ME3: variants seen among roughly 807,000 people sequenced by gnomAD.
ME3 encodes NADP-dependent malic enzyme, mitochondrial.
Under a neutral mutation model 68.9 loss-of-function variants are expected in ME3, and 48 were observed. The ratio of observed to expected loss-of-function variants is 0.70; its 90% confidence interval spans 0.55 to 0.89. The LOEUF is 0.89. ME3 is among the 40% of genes least tolerant of loss of function. The probability of loss-of-function intolerance (pLI) is 0.00; values close to 1 mark genes in which losing one functional copy is unlikely to be tolerated. For synonymous variants in ME3, 320 were observed against 318.8 expected (o/e 1.00, Z -0.04); for missense variants, 675 against 797.4 (o/e 0.85, Z 1.85).
chr11:86,587,940 T>G (rs1035480661), intron 2 of ME3, among the ~76,000 whole-genome samples: 1 of 152,260 alleles, frequency 6.6e-6, no homozygotes, highest in Non-Finnish European at 1.5e-5. Context: ...AGTTAATGTC[T>G]GGATGTATGG....
intron 13 of ME3, among the ~76,000 whole-genome samples, chr11:86,445,799 A>C (rs1322428724): frequency 6.6e-6 from 1 of 152,138 alleles, no homozygotes; most frequent in Non-Finnish European, 1.5e-5. Flanking sequence ...TACATCTCCA[A>C]TACTTCATAT....
At chr11:86,525,030 G>T (rs1056492154) in intron 4 of ME3, among the ~76,000 whole-genome samples, 1 of 152,164 alleles carries the variant, frequency 6.6e-6, no homozygotes, top group Non-Finnish European at 1.5e-5. Context: ...TGTGTCTCTG[G>T]TCAGGGATAA....
Position 86,493,601 on chromosome 11 carries a change from T to G in ME3, c.705+4362A>C, listed in dbSNP as rs1156648882. 2.0e-5 allele frequency among the ~76,000 whole-genome samples: 3 copies of G among 152,078 alleles called. No homozygotes were observed. The South Asian group carries it at 6.2e-4, about 32-fold the overall frequency. On this transcript the variant is annotated intron_variant, in intron 6 of 14. Coordinates refer to ENST00000543262, the Ensembl canonical transcript of ME3. The stretch of plus-strand genomic sequence containing the variant: ...CTGCATGTGGATGAAACAAAATAAA[T>G]CCAATCCACACGTAGCCATGATGGA...
At chr11:86,501,613 A>G (rs558253867) in intron 5 of ME3, among the ~76,000 whole-genome samples, 1 of 152,140 alleles carries the variant, frequency 6.6e-6, no homozygotes, top group Non-Finnish European at 1.5e-5. Context: ...AGTCTTCCCA[A>G]TTCCCACAAG....
chr11:86,442,181 A>G (rs534701652), intron 14 of ME3, among the ~76,000 whole-genome samples: 2 of 152,320 alleles, frequency 1.3e-5, no homozygotes, highest in Admixed American at 6.5e-5. Flanking sequence ...TTATTGCACC[A>G]TGTTCTGATT....
At chr11:86,572,531 C>A (rs1957859432) in intron 2 of ME3, among the ~76,000 whole-genome samples, 1 of 152,102 alleles carries the variant, frequency 6.6e-6, no homozygotes, top group African/African-American at 2.4e-5. Flanking sequence ...GAACATGCGG[C>A]GTTTGGCTTG....
exon 6 of ME3, chr11:86,497,969 G>A (rs757848907): frequency 3.1e-6 from 5 of 1,600,514 alleles, no homozygotes; most frequent in Non-Finnish European, 3.4e-6. Flanking sequence ...TTACCTCATT[G>A]TTGGTGCCGA....
rs113831850 is a variant in ME3 at position 86,671,578 on chromosome 11, C to A, written c.183+184G>T. 173 of 649,354 alleles carry A rather than the reference C, an allele frequency of 2.7e-4. No homozygotes were observed. The Middle Eastern group carries it at 2.8e-3, about 10-fold the overall frequency. The allele number at this position is 649,354 out of a possible 1,614,324, so 40.2% of individuals were successfully genotyped here. A position where few individuals can be genotyped will look rare whatever the true frequency, so the allele number is the denominator to read the frequency against. On this transcript the variant is annotated intron_variant, in intron 2 of 14. Transcript: ENST00000543262. ...CTGCATTACTGGTCGCCTCTCTCCA[C>A]GCATAAAAGGGAGAGGAGGGACAAG...
At chr11:86,439,000 T>C (rs998545327), downstream of ME3, among the ~76,000 whole-genome samples, 52 of 152,148 alleles carry the variant, frequency 3.4e-4, no homozygotes. Context: ...AAAAAGCCAA[T>C]ATCCCAGTTA....
chr11:86,486,282 T>C (rs1464138991), intron 7 of ME3, among the ~76,000 whole-genome samples: 1 of 152,202 alleles, frequency 6.6e-6, no homozygotes, highest in Non-Finnish European at 1.5e-5. Context: ...TTCCACCTTA[T>C]ATAACCACAA....
intron 2 of ME3, among the ~76,000 whole-genome samples, chr11:86,652,918 A>T (rs1275072374): frequency 1.6e-5 from 1 of 62,652 alleles, no homozygotes. Flanking sequence ...GGCAAATGGA[A>T]AAAAAAAAAA....
chr11:86,495,990 C>T (rs1594178652), intron 6 of ME3, among the ~76,000 whole-genome samples: 1 of 152,198 alleles, frequency 6.6e-6, no homozygotes, highest in East Asian at 1.9e-4. Context: ...TTCCCACCCC[C>T]AGGATTTCCC....
In ME3 at chr11:86,450,178, A is replaced by T. The variant is rs1949554649; in HGVS notation, c.1017+123T>A. On this transcript the variant is annotated intron_variant, in intron 9 of 14. Transcript: ENST00000543262. ...TGTCAGAGCCTAGGCAGCTGCAATGATCACAATATGTCTGTGCTGCTTCCT... is the reference window on the plus strand; with the variant it reads ...TGTCAGAGCCTAGGCAGCTGCAATGTTCACAATATGTCTGTGCTGCTTCCT... 4 of 1,055,390 alleles carry T rather than the reference A, an allele frequency of 3.8e-6. No homozygotes were observed. In the South Asian group the frequency reaches 5.9e-5, roughly 16 times the overall value. 65.4% of individuals were successfully genotyped at this position (1,055,390 alleles called of 1,614,324 possible).
chr11:86,598,266 G>A lies in ME3; in HGVS notation c.184-38443C>T, dbSNP rs112040302. On this transcript the variant is annotated intron_variant, in intron 2 of 14. Coordinates refer to ENST00000543262, the Ensembl canonical transcript of ME3. ...CACCCGAATACTGCGCTTTTCCGAC[G>A]GGCTTAGGAAATGGCACACCAGGAG... 7.4e-3 allele frequency among the ~76,000 whole-genome samples: 1,121 copies of A among 152,302 alleles called. 8 individuals carry two copies. The highest frequency in any genetic ancestry group is 0.024 in the African/African-American group (979 of 41,562).
chr11:86,490,301 A>T (rs1951921830), intron 6 of ME3, among the ~76,000 whole-genome samples: 1 of 151,716 alleles, frequency 6.6e-6, no homozygotes, highest in African/African-American at 2.4e-5. Flanking sequence ...CTCCTCTCTC[A>T]CTCTCCTAAT....
rs1565847006 is a variant in ME3 at position 86,487,318 on chromosome 11, GAC to G, written c.809+17_809+18del. On this transcript the variant is annotated intron_variant, in intron 7 of 14. Transcript: ENST00000543262. ...CTCTTAAAAGTCCTCTTTCAAAAGG[GAC>G]AGACTGGTCCACTTACTTGTCTGTC... 1.9e-6 allele frequency: 3 copies of G among 1,603,124 alleles called. No homozygotes were observed. Among genetic ancestry groups the G allele is most frequent in the South Asian group, 2.2e-5 (2 of 90,834 alleles).
At chr11:86,541,346 T>C (rs1239174179) in intron 4 of ME3, among the ~76,000 whole-genome samples, 1 of 152,168 alleles carries the variant, frequency 6.6e-6, no homozygotes, top group African/African-American at 2.4e-5. Flanking sequence ...CCAAGTGGTC[T>C]AGCTCAGTGG....
chr11:86,611,976 T>G (rs1942614447), intron 2 of ME3, among the ~76,000 whole-genome samples: 1 of 152,244 alleles, frequency 6.6e-6, no homozygotes. Context: ...GAGATACATG[T>G]GCAGAACATG....
intron 2 of ME3, among the ~76,000 whole-genome samples, chr11:86,598,056 G>T (rs1039858323): frequency 6.6e-6 from 1 of 152,144 alleles, no homozygotes; most frequent in African/African-American, 2.4e-5. Context: ...TCCATCTGAG[G>T]TACTGGGTTC....
Sources: gnomAD v4.1 joint callset for allele counts (sites outside exome capture counted in the v4.1 genomes callset) on GRCh38, gnomAD v4.1.1 for gene constraint, MANE v1.5 for transcripts, NCBI Gene and HGNC (gene_info 2026-07-23, HGNC 2026-07-21) for gene names.